MICAL2: variants seen among roughly 807,000 people sequenced by gnomAD.
MICAL2 encodes the protein microtubule associated monooxygenase, calponin and LIM domain containing 2.
Under a neutral mutation model 127.3 loss-of-function variants are expected in MICAL2, and 77 were observed. That is an observed-to-expected ratio of 0.60 (90% confidence interval 0.50 to 0.73). The LOEUF is 0.73. MICAL2 is among the 30% of genes least tolerant of loss of function. The probability of loss-of-function intolerance (pLI) is 0.00; values close to 1 mark genes in which losing one functional copy is unlikely to be tolerated. For missense variants in MICAL2, 1,351 were observed against 1,434.4 expected (o/e 0.94, Z 0.94); for synonymous variants, 570 against 551.1 (o/e 1.03, Z -0.48).
At chr11:12,300,263 C>T (rs1018585687) in intron 29 of MICAL2, among the ~76,000 whole-genome samples, 6 of 152,102 alleles carry the variant, frequency 3.9e-5, no homozygotes, top group African/African-American at 1.4e-4. Context: ...CATTGCCCTC[C>T]AGCCTGGGCG....
At chr11:12,165,770 G>C (rs1437159295) in intron 3 of MICAL2, among the ~76,000 whole-genome samples, 1 of 152,238 alleles carries the variant, frequency 6.6e-6, no homozygotes, top group Non-Finnish European at 1.5e-5. Flanking sequence ...GATCTATTTG[G>C]AGAAGAAGGA....
chr11:12,175,380 G>T (rs893363745), intron 3 of MICAL2, among the ~76,000 whole-genome samples: 1 of 152,006 alleles, frequency 6.6e-6, no homozygotes, highest in Non-Finnish European at 1.5e-5. Context: ...GGAGGCTAAG[G>T]CAGGAAAACT....
At chr11:12,244,135 T>C (rs778013700) in intron 21 of MICAL2, 23 bp downstream of exon 21, 2 of 1,614,080 alleles carry the variant, frequency 1.2e-6, no homozygotes, top group Non-Finnish European at 1.7e-6. Context: ...AACAATTTGC[T>C]TTCCCTATTC....
chr11:12,259,102 CT>C (rs1327553274), intron 25 of MICAL2, among the ~76,000 whole-genome samples: 1 of 152,204 alleles, frequency 6.6e-6, no homozygotes, highest in East Asian at 1.9e-4. Context: ...TAACTTAAAA[CT>C]TTTTTCTAAT....
chr11:12,342,404 CA>C (rs919013974), intron 32 of MICAL2, among the ~76,000 whole-genome samples: 14 of 149,886 alleles, frequency 9.3e-5, no homozygotes, highest in African/African-American at 2.0e-4. Context: ...TACATGAGGC[CA>C]AAAAAAAATT....
In MICAL2 at chr11:12,339,504, T is replaced by C. The variant is rs147991569; in HGVS notation, c.5516-10334T>C. Among the ~76,000 whole-genome samples, 5 of 152,334 alleles carry C rather than the reference T, an allele frequency of 3.3e-5. No homozygotes were observed. In the East Asian group the frequency reaches 9.6e-4, roughly 29 times the overall value. On this transcript the variant is annotated intron_variant, in intron 32 of 34. Coordinates refer to the MICAL2 transcript ENST00000646065. ...GTTGCTGGTGAGGAGCTGTGTTCCTTTGGATGAGGAAAGGCACTCTGATTT... is the reference window on the plus strand; with the variant it reads ...GTTGCTGGTGAGGAGCTGTGTTCCTCTGGATGAGGAAAGGCACTCTGATTT...
At chr11:12,260,832 G>A (rs1015193875) in intron 26 of MICAL2, 2 of 985,320 alleles carry the variant, frequency 2.0e-6, no homozygotes, top group African/African-American at 1.7e-5. Context: ...GTAGCTTAAA[G>A]GCTTTCCCCC....
At chr11:12,268,731 G>A (rs571985087), downstream of MICAL2, among the ~76,000 whole-genome samples, 3 of 152,258 alleles carry the variant, frequency 2.0e-5, no homozygotes, top group South Asian at 2.1e-4. Context: ...TCGCTCACGC[G>A]TGTAATCCAA....
At chr11:12,348,411 G>A (rs950605857) in intron 32 of MICAL2, among the ~76,000 whole-genome samples, 3 of 152,144 alleles carry the variant, frequency 2.0e-5, no homozygotes, top group Non-Finnish European at 2.9e-5. Flanking sequence ...TTGAAGAGCT[G>A]ACCATACTGT....
chr11:12,168,503 A>G (rs972985122), intron 3 of MICAL2, among the ~76,000 whole-genome samples: 2 of 151,288 alleles, frequency 1.3e-5, no homozygotes, highest in Non-Finnish European at 2.9e-5. Flanking sequence ...CATACATACC[A>G]CACACATACA....
intron 34 of MICAL2, among the ~76,000 whole-genome samples, chr11:12,356,420 C>T (rs1318612999): frequency 6.6e-6 from 1 of 152,182 alleles, no homozygotes; most frequent in Non-Finnish European, 1.5e-5. Context: ...TCTGTCTCTC[C>T]CCAGGGTGAC....
chr11:12,245,792 C>T (rs1860653484), intron 21 of MICAL2, among the ~76,000 whole-genome samples: 1 of 152,206 alleles, frequency 6.6e-6, no homozygotes, highest in Admixed American at 6.5e-5. Flanking sequence ...AGCAAGGTTG[C>T]AGGGTAGGCT....
intron 15 of MICAL2, among the ~76,000 whole-genome samples, chr11:12,231,204 G>A (rs1194216507): frequency 6.6e-6 from 1 of 152,230 alleles, no homozygotes; most frequent in Non-Finnish European, 1.5e-5. Context: ...GGTCATTACT[G>A]TACACATATG....
At chr11:12,330,861 TAG>T (rs1158050371) in intron 32 of MICAL2, among the ~76,000 whole-genome samples, 121 of 66,788 alleles carry the variant, frequency 1.8e-3, no homozygotes, top group Admixed American at 2.7e-3. Flanking sequence ...GAGAGAGGGG[TAG>T]AGAGAGAGAG....
chr11:12,124,114 A>G (rs574216492), intron 1 of MICAL2, among the ~76,000 whole-genome samples: 108 of 152,082 alleles, frequency 7.1e-4, no homozygotes, highest in African/African-American at 2.5e-3. Context: ...AGAGCCTCCT[A>G]TTTTGCTCCT....
At chr11:12,222,521 C>T in intron 10 of MICAL2, 96 bp from the exon 11 acceptor site, 1 of 1,505,344 alleles carries the variant, frequency 6.6e-7, no homozygotes, top group Non-Finnish European at 9.1e-7. Context: ...GTCCAGGAAG[C>T]CCTTGAGCCA....
chr11:12,242,556 G>A, intron 19 of MICAL2, 115 bp from the exon 20 acceptor site: 1 of 1,425,158 alleles, frequency 7.0e-7, no homozygotes, highest in Non-Finnish European at 9.8e-7. Context: ...ATCCTGCTGT[G>A]TGTGGTGAGC....
intron 2 of MICAL2, among the ~76,000 whole-genome samples, chr11:12,283,813 G>A (rs887025882): frequency 6.6e-6 from 1 of 152,236 alleles, no homozygotes; most frequent in Non-Finnish European, 1.5e-5. Context: ...CACAGAGCGT[G>A]CCCAAGAGGA....
At chr11:12,195,291 C>A (rs78492762) in intron 3 of MICAL2, among the ~76,000 whole-genome samples, 2,190 of 152,214 alleles carry the variant, frequency 0.014, 45 homozygotes, top group African/African-American at 0.05. Flanking sequence ...AAACCTTGAG[C>A]AAATATTGAA....
Sources: allele counts gnomAD v4.1 joint callset (sites outside exome capture counted in the v4.1 genomes callset), GRCh38; gene constraint gnomAD v4.1.1; transcripts MANE v1.5; gene names NCBI Gene and HGNC (gene_info 2026-07-23, HGNC 2026-07-21).